CHEK1: variants seen among roughly 807,000 people sequenced by gnomAD.
The protein encoded by CHEK1 is checkpoint kinase 1.
CHEK1 carries 32 observed loss-of-function variants against 60.2 expected under a neutral mutation model. The observed-to-expected ratio is 0.53, with a 90% CI of 0.40 to 0.71. The LOEUF (loss-of-function observed/expected upper bound fraction) is 0.71. Ranked by LOEUF, CHEK1 falls within the 30% of genes least tolerant of loss-of-function variation. CHEK1 has a pLI of 0.00. For synonymous variants in CHEK1, 179 were observed against 187.2 expected (o/e 0.96, Z 0.36); for missense variants, 399 against 564.6 (o/e 0.71, Z 2.97).
At chr11:125,657,434 C>A (rs1941938096), downstream of CHEK1, among the ~76,000 whole-genome samples, 1 of 152,218 alleles carries the variant, frequency 6.6e-6, no homozygotes, top group African/African-American at 2.4e-5. Context: ...TAAGAACTTC[C>A]TATATGCAGT....
intron 11 of CHEK1, among the ~76,000 whole-genome samples, chr11:125,648,634 CTTTT>C (rs746598087): frequency 1.5e-5 from 2 of 136,420 alleles, no homozygotes; most frequent in Admixed American, 7.3e-5. Context: ...AATTGTTTTA[CTTTT>C]TTTTTTTTTT....
In CHEK1 at chr11:125,634,263, G is replaced by GT. The variant is rs1455302343; in HGVS notation, c.613+918dup. ...CCCAACCTCAGCCTCCCAAAGTGCT[G>GT]TTTTTTGGGTTTTTTGTTAAATGAC... is the stretch of plus-strand genomic sequence containing the variant. On this transcript the variant is annotated intron_variant, in intron 6 of 12. Transcript: ENST00000438015. Among the ~76,000 whole-genome samples the GT allele has an allele frequency of 3.9e-5, 6 of 152,012 alleles. 1 individual carries two copies. The highest frequency in any genetic ancestry group is 1.4e-4 in the African/African-American group (6 of 41,418).
At chr11:125,680,311 CTG>C (rs1942739370), downstream of CHEK1, among the ~76,000 whole-genome samples, 1 of 152,142 alleles carries the variant, frequency 6.6e-6, no homozygotes, top group Admixed American at 6.5e-5. Flanking sequence ...GCCTATAGCT[CTG>C]TCGTGTTCTG....
downstream of CHEK1, among the ~76,000 whole-genome samples, chr11:125,659,898 C>T (rs1329764727): frequency 6.6e-6 from 1 of 152,152 alleles, no homozygotes; most frequent in African/African-American, 2.4e-5. Context: ...CTGGAAAATA[C>T]TAACCTACAT....
chr11:125,652,227 G>A (rs1419171879), intron 11 of CHEK1, among the ~76,000 whole-genome samples: 1 of 152,144 alleles, frequency 6.6e-6, no homozygotes, highest in Admixed American at 6.5e-5. Context: ...GTGGCTGGTG[G>A]TCTAAAACAT....
chr11:125,645,410 C>A (rs1197522277), intron 11 of CHEK1, among the ~76,000 whole-genome samples: 1 of 151,450 alleles, frequency 6.6e-6, no homozygotes, highest in Non-Finnish European at 1.5e-5. Flanking sequence ...TAAGGCTTTT[C>A]AAAAAAAATG....
downstream of CHEK1, among the ~76,000 whole-genome samples, chr11:125,659,881 C>G (rs962331871): frequency 1.3e-5 from 2 of 152,076 alleles, no homozygotes; most frequent in South Asian, 4.2e-4. Flanking sequence ...TTTTCTTCCT[C>G]CAGTCTCTGG....
rs3731451 is a variant in CHEK1 at position 125,644,503 on chromosome 11, G to A, written c.1102-9G>A. Reference sequence around the variant, plus strand: ...GGATTTATTCATTTGTCTTCTGTTTGACATGTAGAACCCCTGGCAGCGGTT... The same window carrying A: ...GGATTTATTCATTTGTCTTCTGTTTAACATGTAGAACCCCTGGCAGCGGTT... On this transcript the variant is annotated splice_polypyrimidine_tract_variant and intron_variant, in intron 10 of 12. Transcript: ENST00000438015. The A allele has an allele frequency of 4.8e-4, 772 of 1,612,596 alleles. 14 individuals carry two copies. In the South Asian group the frequency reaches 7.9e-3, roughly 16 times the overall value.
At chr11:125,644,062 G>A (rs746989670) in intron 9 of CHEK1, 29 bp from the exon 10 acceptor site, 2 of 1,597,344 alleles carry the variant, frequency 1.3e-6, no homozygotes, top group East Asian at 2.2e-5. Context: ...TTTATTAAAT[G>A]TATGTTTCTT....
chr11:125,679,015 T>TATATATATA (rs1942665453), downstream of CHEK1, among the ~76,000 whole-genome samples: 1 of 139,456 alleles, frequency 7.2e-6, no homozygotes, highest in Admixed American at 7.1e-5. Context: ...CACACATATA[T>TATATATATA]GAATTGTATC....
At chr11:125,658,516 G>C (rs546367310), downstream of CHEK1, among the ~76,000 whole-genome samples, 4 of 151,872 alleles carry the variant, frequency 2.6e-5, no homozygotes, top group East Asian at 7.7e-4. Flanking sequence ...CCATTCTGCG[G>C]CTTATTGTTC....
chr11:125,635,362 T>A, intron 6 of CHEK1, 67 bp from the exon 7 acceptor site: 1 of 984,672 alleles, frequency 1.0e-6, no homozygotes, highest in Non-Finnish European at 1.5e-6. Context: ...GGATTTATAT[T>A]ATTATTTTTC....
At chr11:125,658,597 G>A (rs1347695068), downstream of CHEK1, among the ~76,000 whole-genome samples, 1 of 141,710 alleles carries the variant, frequency 7.1e-6, no homozygotes, top group African/African-American at 2.6e-5. Flanking sequence ...TTTATATTTT[G>A]TATTAAAGGA....
downstream of CHEK1, among the ~76,000 whole-genome samples, chr11:125,661,062 C>T (rs1370322026): frequency 6.6e-6 from 1 of 152,164 alleles, no homozygotes; most frequent in Non-Finnish European, 1.5e-5. Context: ...AAGCGTGAGC[C>T]ACTGCGCCTG....
intron 13 of CHEK1, among the ~76,000 whole-genome samples, chr11:125,667,043 G>T (rs1161660047): frequency 1.3e-5 from 2 of 151,428 alleles, no homozygotes; most frequent in African/African-American, 4.9e-5. Flanking sequence ...ACACATGCCG[G>T]TTTATTACAT....
intron 11 of CHEK1, among the ~76,000 whole-genome samples, chr11:125,650,219 A>G (rs980396084): frequency 6.6e-6 from 1 of 151,822 alleles, no homozygotes; most frequent in African/African-American, 2.4e-5. Context: ...GATGTGCCAC[A>G]GTTCTTAGAC....
At position 125,653,574 on chromosome 11, in the gene CHEK1, A is replaced by G. The variant is rs1399760389; in HGVS notation, c.1234-172A>G. 6.6e-6 allele frequency among the ~76,000 whole-genome samples: 1 copy of G among 152,200 alleles called. No homozygotes were observed. Among genetic ancestry groups the G allele is most frequent in the East Asian group, 1.9e-4 (1 of 5,196 alleles). On this transcript the variant is annotated intron_variant, in intron 11 of 12. Coordinates refer to ENST00000438015, the MANE Select transcript of CHEK1 (RefSeq NM_001114122.3). The surrounding 1 kb of genome is among the most constrained non-coding windows in gnomAD (Gnocchi z 4.3). ...TTGTGAATAATGCTGTAGGGTTGCA[A>G]ATTTCTCTTCCATATAATTTCCTTT... is the stretch of plus-strand genomic sequence containing the variant.
downstream of CHEK1, among the ~76,000 whole-genome samples, chr11:125,679,927 TTAAC>T (rs932208903): frequency 2.6e-5 from 4 of 152,232 alleles, no homozygotes; most frequent in African/African-American, 9.6e-5. Flanking sequence ...TTTTCAATAA[TTAAC>T]ACAAGTTTTG....
At chr11:125,672,729 A>G in intron 13 of CHEK1, 1 of 1,613,916 alleles carries the variant, frequency 6.2e-7, no homozygotes, top group Non-Finnish European at 8.5e-7. Flanking sequence ...TGAAAGGAGC[A>G]GAGACAGACT....
Sources: gnomAD v4.1 joint callset for allele counts (sites outside exome capture counted in the v4.1 genomes callset) on GRCh38, gnomAD v4.1.1 for gene constraint, Gnocchi (gnomAD v3.1) non-coding constraint, MANE v1.5 for transcripts, NCBI Gene and HGNC (gene_info 2026-07-23, HGNC 2026-07-21) for gene names.